The following ATP9B variants were observed in gnomAD, a reference collection of about 807,000 sequenced individuals.
ATP9B encodes the protein probable phospholipid-transporting ATPase IIB.
In ATP9B, 110 loss-of-function variants were observed where a neutral mutation model predicts 146.1. The ratio of observed to expected loss-of-function variants is 0.75; its 90% confidence interval spans 0.65 to 0.88. The LOEUF (loss-of-function observed/expected upper bound fraction) is 0.88. Ranked by LOEUF, ATP9B falls within the 40% of genes least tolerant of loss-of-function variation. The pLI is 0.00. For synonymous variants in ATP9B, 604 were observed against 569.7 expected (o/e 1.06, Z -0.86); for missense variants, 1,499 against 1,496.4 (o/e 1.00, Z -0.03).
At chr18:79,273,043 G>A (rs188651328) in intron 12 of ATP9B, among the ~76,000 whole-genome samples, 2 of 152,334 alleles carry the variant, frequency 1.3e-5, no homozygotes, top group East Asian at 3.9e-4. Context: ...TACTCTTGGT[G>A]TCTGGCTGCA....
intron 5 of ATP9B, among the ~76,000 whole-genome samples, chr18:79,133,111 C>T (rs1419104531): frequency 6.6e-6 from 1 of 152,072 alleles, no homozygotes; most frequent in Non-Finnish European, 1.5e-5. Flanking sequence ...AGGTTGGTCT[C>T]AAACTCCTGG....
rs560776035 is a variant in ATP9B, at chr18:79,290,600, G to A, written c.1412-13004G>A. On this transcript the variant is annotated intron_variant, in intron 13 of 29. Transcript: ENST00000426216. ...GCAATGCCTCGCCCTGCTTCGGCTC[G>A]CGCAACATGCGCTGCACCCACTGTC... 5.5e-4 allele frequency among the ~76,000 whole-genome samples: 84 copies of A among 152,240 alleles called. No individual in the cohort carries two copies. The East Asian group carries it at 7.2e-3, about 13-fold the overall frequency.
At position 79,330,032 on chromosome 18, in the gene ATP9B, C is replaced by A; in HGVS notation, c.1956C>A (p.Ile652=). ...GATAGGATGAATCCACGGCAGAAAT[C>A]ACATTCTACATGAAGGGCGCTGACG... The part of the protein sequence containing the change: ...VIVRDESTAE[I]TFYMKGADVA... Residue 652 remains isoleucine (I), a synonymous_variant, in exon 17 of 30, where the codon ATC becomes ATA. Coordinates refer to ENST00000426216, the MANE Select transcript of ATP9B (RefSeq NM_198531.5). 6.2e-7 allele frequency: 1 copy of A among 1,614,118 alleles called. No individual in the cohort carries two copies. Among genetic ancestry groups the A allele is most frequent in the Non-Finnish European group, 8.5e-7 (1 of 1,179,958 alleles).
At chr18:79,161,770 C>G (rs928092802) in intron 7 of ATP9B, among the ~76,000 whole-genome samples, 1 of 152,076 alleles carries the variant, frequency 6.6e-6, no homozygotes, top group Non-Finnish European at 1.5e-5. Flanking sequence ...GGCGTGAACC[C>G]GGGAGGCGGA....
At chr18:79,219,393 G>C (rs1304639390) in intron 11 of ATP9B, among the ~76,000 whole-genome samples, 1 of 151,686 alleles carries the variant, frequency 6.6e-6, no homozygotes, top group East Asian at 1.9e-4. Flanking sequence ...TATTGATTTT[G>C]GTTTTTTTTT....
At position 79,336,672 on chromosome 18, in the gene ATP9B, A is replaced by C. The variant is rs771165500; in HGVS notation, c.2073A>C (p.Ala691=). The C allele has an allele frequency of 4.3e-6, 7 of 1,613,532 alleles. No individual in the cohort carries two copies. Among genetic ancestry groups the C allele is most frequent in the Non-Finnish European group, 5.9e-6 (7 of 1,179,884 alleles). ...AREGLRTLVV[A]KKALTEEQYQ... Reference sequence around the variant, plus strand: ...AAGGACTGCGGACCCTCGTGGTTGCAAAGAAGGCGTTGACAGAGGAGCAGT... The same window carrying C: ...AAGGACTGCGGACCCTCGTGGTTGCCAAGAAGGCGTTGACAGAGGAGCAGT... The change falls in exon 18 of 30, where the codon GCA becomes GCC. Residue 691 remains alanine, a synonymous_variant. Transcript: ENST00000426216.
At chr18:79,124,081 CA>C (rs1489931072) in intron 4 of ATP9B, among the ~76,000 whole-genome samples, 6 of 152,134 alleles carry the variant, frequency 3.9e-5, no homozygotes, top group Non-Finnish European at 5.9e-5. Flanking sequence ...GTGGTGCAGC[CA>C]CTTTGAGGAG....
intron 13 of ATP9B, among the ~76,000 whole-genome samples, chr18:79,279,065 C>T (rs1341160583): frequency 6.6e-6 from 1 of 152,178 alleles, no homozygotes; most frequent in Non-Finnish European, 1.5e-5. Context: ...CTGGAGCCGA[C>T]AGGTGTGTGG....
chr18:79,082,813 C>T (rs922633545), intron 1 of ATP9B, among the ~76,000 whole-genome samples: 2 of 152,178 alleles, frequency 1.3e-5, no homozygotes, highest in Admixed American at 6.5e-5. Context: ...AGATGCCAGC[C>T]GGAGCTCTCC....
chr18:79,375,410 T>C lies in ATP9B; in HGVS notation c.3291T>C (p.Ser1097=), dbSNP rs1357865043. The C allele has an allele frequency of 6.2e-7, 1 of 1,612,898 alleles. No homozygotes were observed. ...LNEYFGIGRV[S]FGAFLDVAFI... The stretch of plus-strand genomic sequence containing the variant: ...TTGGAACAGGTATAGGCAGAGTGTC[T>C]TTTGGAGCTTTCTTAGGTAGGTAAA... The change falls in exon 29 of 30, where the codon TCT becomes TCC. Residue 1097 remains serine (S), a synonymous_variant. Transcript: ENST00000426216.
intron 11 of ATP9B, among the ~76,000 whole-genome samples, chr18:79,218,490 G>C (rs748307195): frequency 8.5e-5 from 12 of 141,730 alleles, no homozygotes; most frequent in Admixed American, 1.4e-4. Context: ...CTCGTGTTCC[G>C]TGTCCGGCAC....
chr18:79,198,535 A>G (rs1302550292), intron 9 of ATP9B, among the ~76,000 whole-genome samples: 1 of 152,194 alleles, frequency 6.6e-6, no homozygotes, highest in Non-Finnish European at 1.5e-5. Context: ...TCATTGTGCA[A>G]ACATGATGGA....
intron 11 of ATP9B, among the ~76,000 whole-genome samples, chr18:79,238,734 G>C (rs1347932827): frequency 6.6e-6 from 1 of 152,182 alleles, no homozygotes; most frequent in Non-Finnish European, 1.5e-5. Context: ...GACAGGCAGC[G>C]AGTATGATTT....
At position 79,136,590 on chromosome 18, in the gene ATP9B, G is replaced by C. The variant is rs60237285; in HGVS notation, c.668-7212G>C. 7.2e-5 allele frequency among the ~76,000 whole-genome samples: 11 copies of C among 152,074 alleles called. No individual in the cohort carries two copies. The East Asian group carries it at 1.9e-3, about 27-fold the overall frequency. ...TTTCCAGTTATACCTGTATTAGACTGTTTGAGGTAGTGACACATTCATTGA... is the reference window on the plus strand; with the variant it reads ...TTTCCAGTTATACCTGTATTAGACTCTTTGAGGTAGTGACACATTCATTGA... On this transcript the variant is annotated intron_variant, in intron 5 of 29. Coordinates refer to ENST00000426216, the MANE Select transcript of ATP9B (RefSeq NM_198531.5).
chr18:79,091,162 A>G (rs545871903), intron 1 of ATP9B, among the ~76,000 whole-genome samples: 1 of 152,220 alleles, frequency 6.6e-6, no homozygotes, highest in East Asian at 1.9e-4. Flanking sequence ...TATGCCAGTA[A>G]CTTGCTGTTT....
At chr18:79,305,777 C>G (rs976327542) in intron 14 of ATP9B, among the ~76,000 whole-genome samples, 1 of 152,172 alleles carries the variant, frequency 6.6e-6, no homozygotes, top group Non-Finnish European at 1.5e-5. Context: ...GTTGAACAGA[C>G]AGTACTTCTT....
At chr18:79,210,511 T>G (rs970429993) in intron 10 of ATP9B, among the ~76,000 whole-genome samples, 1 of 152,208 alleles carries the variant, frequency 6.6e-6, no homozygotes, top group Non-Finnish European at 1.5e-5. Flanking sequence ...CTGTGTGGAC[T>G]CTAGACCTTG....
intron 8 of ATP9B, among the ~76,000 whole-genome samples, chr18:79,177,857 A>C (rs768797332): frequency 6.6e-6 from 1 of 152,134 alleles, no homozygotes; most frequent in Non-Finnish European, 1.5e-5. Flanking sequence ...TGCTGCTCAG[A>C]TGATTTGTTT....
intron 9 of ATP9B, among the ~76,000 whole-genome samples, chr18:79,201,137 T>G (rs1215395126): frequency 6.6e-6 from 1 of 152,254 alleles, no homozygotes; most frequent in Non-Finnish European, 1.5e-5. Flanking sequence ...TGTAAATTAC[T>G]TCAAGTTCAT....
Sources: gnomAD v4.1 joint callset for allele counts (sites outside exome capture counted in the v4.1 genomes callset) on GRCh38, gnomAD v4.1.1 for gene constraint, MANE v1.5 for transcripts, NCBI Gene and HGNC (gene_info 2026-07-23, HGNC 2026-07-21) for gene names.